The following CA5A variants were observed in gnomAD, a reference collection of about 807,000 sequenced individuals.
The protein encoded by CA5A is carbonic anhydrase 5A, mitochondrial.
Under a neutral mutation model 37.1 loss-of-function variants are expected in CA5A, and 28 were observed. That is an observed-to-expected ratio of 0.75 (90% CI 0.56 to 1.03). CA5A has a LOEUF of 1.03. Ranked by LOEUF, CA5A falls within the 50% of genes least tolerant of loss-of-function variation. CA5A has a pLI of 0.00. For synonymous variants in CA5A, 171 were observed against 158.4 expected (o/e 1.08, Z -0.60); for missense variants, 444 against 399.9 (o/e 1.11, Z -0.94).
intron 2 of CA5A, among the ~76,000 whole-genome samples, chr16:87,918,775 G>A (rs142246525): frequency 0.012 from 1,894 of 152,162 alleles, 41 homozygotes; most frequent in African/African-American, 0.044. Flanking sequence ...AGCCCTACCT[G>A]TCCTTCATCT....
intron 2 of CA5A, among the ~76,000 whole-genome samples, chr16:87,914,459 A>G (rs1267281802): frequency 6.6e-6 from 1 of 152,166 alleles, no homozygotes; most frequent in African/African-American, 2.4e-5. Flanking sequence ...CAGCCCCACG[A>G]GCTTGCAGTG....
chr16:87,931,767 C>T (rs746879763), intron 1 of CA5A, among the ~76,000 whole-genome samples: 3 of 152,324 alleles, frequency 2.0e-5, no homozygotes, highest in Non-Finnish European at 2.9e-5. Flanking sequence ...CGCTGGGAAA[C>T]AGTGGGCCCT....
At chr16:87,926,494 G>A (rs1465406072) in intron 2 of CA5A, among the ~76,000 whole-genome samples, 1 of 152,228 alleles carries the variant, frequency 6.6e-6, no homozygotes. Context: ...GATTTTCTTT[G>A]CTAGGTGCAC....
chr16:87,935,838 T>C (rs1465591590), intron 1 of CA5A, among the ~76,000 whole-genome samples: 1 of 151,436 alleles, frequency 6.6e-6, no homozygotes, highest in Non-Finnish European at 1.5e-5. Context: ...ATCATGCCAT[T>C]GCACTCTAGC....
intron 5 of CA5A, among the ~76,000 whole-genome samples, chr16:87,895,329 T>C (rs1448343691): frequency 1.3e-5 from 2 of 152,184 alleles, no homozygotes; most frequent in African/African-American, 4.8e-5. Context: ...ATGGATCACC[T>C]GAGGTCAGGA....
chr16:87,929,511 A>G (rs2056366860), intron 1 of CA5A, among the ~76,000 whole-genome samples: 1 of 151,904 alleles, frequency 6.6e-6, no homozygotes, highest in South Asian at 2.1e-4. Context: ...ACCTAGGTCA[A>G]ATGGTTAGCG....
chr16:87,915,534 T>A (rs1267185811), intron 2 of CA5A, among the ~76,000 whole-genome samples: 20 of 123,848 alleles, frequency 1.6e-4, no homozygotes, highest in African/African-American at 4.6e-4. Context: ...AAATTTTTTT[T>A]TTTTTTTTTT....
intron 5 of CA5A, among the ~76,000 whole-genome samples, chr16:87,896,236 C>T (rs2055800550): frequency 6.6e-6 from 1 of 152,236 alleles, no homozygotes; most frequent in African/African-American, 2.4e-5. Flanking sequence ...TCCTTCCCTC[C>T]CCAAGGCTGC....
intron 2 of CA5A, among the ~76,000 whole-genome samples, chr16:87,920,714 G>A (rs867004514): frequency 6.6e-6 from 1 of 151,868 alleles, no homozygotes; most frequent in African/African-American, 2.4e-5. Flanking sequence ...CGCCTCCCAG[G>A]TTCAAGCAAT....
chr16:87,904,073 G>A (rs541680027), intron 3 of CA5A, among the ~76,000 whole-genome samples: 94 of 152,264 alleles, frequency 6.2e-4, no homozygotes, highest in African/African-American at 2.2e-3. Flanking sequence ...CGGGTACGGT[G>A]GCTCACGCCT....
In CA5A at chr16:87,916,122, C is replaced by T. The variant is rs145207128; in HGVS notation, c.340+10626G>A. On this transcript the variant is annotated intron_variant, in intron 2 of 6. Transcript: ENST00000649794. ...GGTGGAGCTTGCAGTGAGCAGAGATCGCGCCACTGCACTCCAGCCTGGGTG... is the reference window on the plus strand; with the variant it reads ...GGTGGAGCTTGCAGTGAGCAGAGATTGCGCCACTGCACTCCAGCCTGGGTG... 5.4e-5 allele frequency among the ~76,000 whole-genome samples: 8 copies of T among 148,480 alleles called. No individual in the cohort carries two copies. In the East Asian group the frequency reaches 9.9e-4, roughly 18 times the overall value.
chr16:87,917,148 G>C (rs987429399), intron 2 of CA5A, among the ~76,000 whole-genome samples: 5 of 147,080 alleles, frequency 3.4e-5, no homozygotes, highest in Admixed American at 3.4e-4. Context: ...AAAGAAAAAA[G>C]AAATGGGCTT....
At chr16:87,901,592 C>CT (rs369833235) in intron 5 of CA5A, among the ~76,000 whole-genome samples, 130 of 145,668 alleles carry the variant, frequency 8.9e-4, no homozygotes, top group Middle Eastern at 7.0e-3. Flanking sequence ...CTTTTCTTTT[C>CT]TTTTTTTTTT....
At chr16:87,915,564 C>A in intron 2 of CA5A, among the ~76,000 whole-genome samples, 1 of 125,636 alleles carries the variant, frequency 8.0e-6, no homozygotes, top group Admixed American at 9.1e-5. Context: ...TGGCTCACAC[C>A]TGTAGATGCA....
In CA5A at chr16:87,926,024, AGC is replaced by A. The variant is rs1224293237; in HGVS notation, c.340+722_340+723del. ...GATCACCTGATGTCAGGGGTTCGAG[AGC>A]AGCCTGGCCAACATGGCGACATCCC... On this transcript the variant is annotated intron_variant, in intron 2 of 6. Coordinates refer to ENST00000649794, the MANE Select transcript of CA5A (RefSeq NM_001739.2). Among the ~76,000 whole-genome samples the A allele has an allele frequency of 3.0e-4, 45 of 152,270 alleles. No homozygotes were observed. In the East Asian group the frequency reaches 4.6e-3, roughly 16 times the overall value.
At chr16:87,910,294 A>G (rs2056032342) in intron 2 of CA5A, among the ~76,000 whole-genome samples, 2 of 152,174 alleles carry the variant, frequency 1.3e-5, no homozygotes, top group Non-Finnish European at 2.9e-5. Flanking sequence ...TTCGCTGGGC[A>G]CCTGCTACCT....
chr16:87,917,789 T>TATACACAGTGCACATGTGCACACATGC (rs2056174527), intron 2 of CA5A, among the ~76,000 whole-genome samples: 2 of 94,874 alleles, frequency 2.1e-5, no homozygotes, highest in East Asian at 3.4e-4. Context: ...TGCACACATG[T>TATACACAGTGCACATGTGCACACATGC]ATACACAGTG....
chr16:87,912,681 T>C (rs1012655209), intron 2 of CA5A, among the ~76,000 whole-genome samples: 1 of 151,852 alleles, frequency 6.6e-6, no homozygotes, highest in African/African-American at 2.4e-5. Context: ...GTCTGAGAGG[T>C]GAGAGTGTGG....
At chr16:87,909,383 T>G (rs2143988033) in intron 2 of CA5A, among the ~76,000 whole-genome samples, 1 of 152,270 alleles carries the variant, frequency 6.6e-6, no homozygotes, top group South Asian at 2.1e-4. Flanking sequence ...CCAAAAAGGC[T>G]ACTGGGTCTC....
Sources: gnomAD v4.1 joint callset for allele counts (sites outside exome capture counted in the v4.1 genomes callset) on GRCh38, gnomAD v4.1.1 for gene constraint, MANE v1.5 for transcripts, NCBI Gene and HGNC (gene_info 2026-07-23, HGNC 2026-07-21) for gene names.